FSTL4: variants seen among roughly 807,000 people sequenced by gnomAD.
The protein encoded by FSTL4 is follistatin like 4.
A neutral mutation model predicts 78.2 loss-of-function variants in FSTL4; 28 were observed. That is an observed-to-expected ratio of 0.36 (90% CI 0.27 to 0.49). The LOEUF (loss-of-function observed/expected upper bound fraction) is 0.49. Among genes scored for constraint, FSTL4 ranks in the 20% least tolerant of loss-of-function variants. The pLI, the probability that FSTL4 is intolerant of heterozygous loss-of-function variation, is 0.98. For synonymous variants in FSTL4, 422 were observed against 440.5 expected, an observed-to-expected ratio of 0.96 and a Z score of 0.53; for missense variants, 922 against 1,084.9, an observed-to-expected ratio of 0.85 and a Z score of 2.11.
At chr5:133,295,248 T>G (rs1753363070) in intron 6 of FSTL4, among the ~76,000 whole-genome samples, 1 of 152,172 alleles carries the variant, frequency 6.6e-6, no homozygotes, top group Admixed American at 6.5e-5. Flanking sequence ...CACCCATCTC[T>G]GTCGGTTCAC....
At chr5:133,376,807 T>A (rs1466170749) in intron 4 of FSTL4, among the ~76,000 whole-genome samples, 1 of 148,238 alleles carries the variant, frequency 6.7e-6, no homozygotes, top group African/African-American at 2.5e-5. Flanking sequence ...GAGAATAGCT[T>A]GAAACTAGGA....
chr5:133,451,352 G>C (rs1757380262), intron 3 of FSTL4, among the ~76,000 whole-genome samples: 1 of 152,106 alleles, frequency 6.6e-6, no homozygotes, highest in South Asian at 2.1e-4. Context: ...CCTGAGGTCA[G>C]GAGTTCAAGA....
At chr5:133,205,448 CCTT>C (rs1317583547) in intron 14 of FSTL4, among the ~76,000 whole-genome samples, 2 of 151,662 alleles carry the variant, frequency 1.3e-5, no homozygotes, top group Non-Finnish European at 2.9e-5. Context: ...TGTGAAACTC[CCTT>C]TTTAAAATAA....
chr5:133,525,987 G>A (rs964732462), intron 3 of FSTL4, among the ~76,000 whole-genome samples: 1 of 152,136 alleles, frequency 6.6e-6, no homozygotes, highest in Non-Finnish European at 1.5e-5. Context: ...AGGGTCATGG[G>A]GGAGACGGAG....
chr5:133,661,397 G>A, the FSTL4 span, among the ~76,000 whole-genome samples: 7 of 152,172 alleles, frequency 4.6e-5, 1 homozygote, highest in Admixed American at 3.9e-4. Flanking sequence ...AGCTTCACTC[G>A]GTGGCGGTGA....
chr5:133,384,093 A>G (rs1258925771), intron 4 of FSTL4, among the ~76,000 whole-genome samples: 1 of 152,182 alleles, frequency 6.6e-6, no homozygotes, highest in African/African-American at 2.4e-5. Flanking sequence ...AGGCTGGTGG[A>G]TGAGGAGAGG....
intron 3 of FSTL4, among the ~76,000 whole-genome samples, chr5:133,525,204 A>G (rs1272325465): frequency 6.6e-6 from 1 of 152,200 alleles, no homozygotes; most frequent in Non-Finnish European, 1.5e-5. Context: ...TTAGATCTCC[A>G]TGTGAATTCG....
At chr5:133,206,343 C>T (rs921760852) in intron 14 of FSTL4, among the ~76,000 whole-genome samples, 10 of 149,516 alleles carry the variant, frequency 6.7e-5, no homozygotes, top group African/African-American at 2.4e-4. Context: ...TTTGTTGCCT[C>T]AGAGTTGCAA....
chr5:133,628,713 G>T, the FSTL4 span, among the ~76,000 whole-genome samples: 65 of 151,964 alleles, frequency 4.3e-4, no homozygotes, highest in African/African-American at 1.6e-3. Flanking sequence ...CGCTAGGCCA[G>T]ACTAATAAAG....
the FSTL4 span, among the ~76,000 whole-genome samples, chr5:133,628,412 T>TGA: frequency 0.011 from 1,593 of 151,264 alleles, 29 homozygotes; most frequent in African/African-American, 0.037. Context: ...CAGGCTGGAG[T>TGA]GCAATGGCAT....
chr5:133,805,932 G>A, the FSTL4 span, among the ~76,000 whole-genome samples: 3 of 152,156 alleles, frequency 2.0e-5, no homozygotes, highest in Non-Finnish European at 2.9e-5. Context: ...AGTCAGGCTG[G>A]GGCCAGACCC....
intron 3 of FSTL4, among the ~76,000 whole-genome samples, chr5:133,548,542 C>CA (rs1294180129): frequency 1.3e-5 from 2 of 151,968 alleles, no homozygotes. Flanking sequence ...ACATGAACAG[C>CA]AAAAAATGGT....
In FSTL4 at chr5:133,405,827, G is replaced by A. The variant is rs375288870; in HGVS notation, c.161-4841C>T. On this transcript the variant is annotated intron_variant, in intron 3 of 15. Transcript: ENST00000265342. The stretch of plus-strand genomic sequence containing the variant: ...GGCAGAGGCCCGACGCTCCAGTCCC[G>A]TGCCATGTCTACCCTAAGATGGGGT... Among the ~76,000 whole-genome samples the A allele has an allele frequency of 7.2e-5, 11 of 152,332 alleles. No individual in the cohort carries two copies. The East Asian group carries it at 1.7e-3, about 24-fold the overall frequency.
the FSTL4 span, among the ~76,000 whole-genome samples, chr5:133,781,779 TA>T: frequency 6.6e-6 from 1 of 152,230 alleles, no homozygotes; most frequent in Non-Finnish European, 1.5e-5. Context: ...CGGCAATTCC[TA>T]AATCACAGTA....
intron 3 of FSTL4, among the ~76,000 whole-genome samples, chr5:133,471,558 A>G (rs1192844959): frequency 2.0e-5 from 3 of 152,156 alleles, no homozygotes; most frequent in African/African-American, 7.2e-5. Context: ...GGTGCCATCT[A>G]TGAACCAGAA....
chr5:133,565,377 G>T (rs546299561), intron 3 of FSTL4, among the ~76,000 whole-genome samples: 1 of 152,090 alleles, frequency 6.6e-6, no homozygotes, highest in Non-Finnish European at 1.5e-5. Flanking sequence ...AGAACCAGCC[G>T]GCAAGGTCCC....
chr5:133,816,051 A>C, the FSTL4 span, among the ~76,000 whole-genome samples: 6 of 152,222 alleles, frequency 3.9e-5, no homozygotes, highest in Admixed American at 3.9e-4. Context: ...CTGGACAGCC[A>C]GGGAAGGTTC....
intron 8 of FSTL4, among the ~76,000 whole-genome samples, chr5:133,230,291 G>A (rs976848945): frequency 1.3e-5 from 2 of 152,206 alleles, no homozygotes; most frequent in Admixed American, 1.3e-4. Flanking sequence ...TAAGATCTGA[G>A]ATGGGGCTGG....
chr5:133,771,850 C>G, the FSTL4 span, among the ~76,000 whole-genome samples: 5 of 152,138 alleles, frequency 3.3e-5, no homozygotes, highest in African/African-American at 1.2e-4. Flanking sequence ...AACCTGCAAA[C>G]AAATCAGTTT....
Sources: gnomAD v4.1 joint callset for allele counts (sites outside exome capture counted in the v4.1 genomes callset) on GRCh38, gnomAD v4.1.1 for gene constraint, MANE v1.5 for transcripts, NCBI Gene and HGNC (gene_info 2026-07-23, HGNC 2026-07-21) for gene names.